The following KIF6 variants were observed in gnomAD, a reference collection of about 807,000 sequenced individuals.
KIF6 encodes kinesin-like protein KIF6.
A neutral mutation model predicts 112.7 loss-of-function variants in KIF6; 106 were observed. That is an observed-to-expected ratio of 0.94 (90% CI 0.80 to 1.11). The LOEUF (loss-of-function observed/expected upper bound fraction) is 1.11, where lower values mean the gene tolerates loss of function less well. Ranked by LOEUF, KIF6 falls within the 50% of genes least tolerant of loss-of-function variation. The probability of loss-of-function intolerance (pLI) is 0.00; values close to 1 mark genes in which losing one functional copy is unlikely to be tolerated. For missense variants in KIF6, 929 were observed against 964.0 expected (o/e 0.96, Z 0.48); for synonymous variants, 339 against 339.9 (o/e 1.00, Z 0.03).
At chr6:39,460,716 A>G (rs1773423880) in intron 13 of KIF6, among the ~76,000 whole-genome samples, 1 of 152,168 alleles carries the variant, frequency 6.6e-6, no homozygotes, top group Non-Finnish European at 1.5e-5. Flanking sequence ...AGAATTCTAT[A>G]TGCAGCTAAA....
At chr6:39,431,886 G>A (rs539282049) in intron 13 of KIF6, among the ~76,000 whole-genome samples, 8 of 152,088 alleles carry the variant, frequency 5.3e-5, no homozygotes, top group South Asian at 2.1e-4. Context: ...GAGGGTCAGC[G>A]CAGATGTATG....
chr6:39,521,436 C>G (rs895412793), intron 13 of KIF6, among the ~76,000 whole-genome samples: 1 of 151,958 alleles, frequency 6.6e-6, no homozygotes, highest in African/African-American at 2.4e-5. Flanking sequence ...TAGGAATGAC[C>G]CATATCTATG....
chr6:39,479,356 G>GTGT (rs1774649041), intron 13 of KIF6, among the ~76,000 whole-genome samples: 1 of 152,094 alleles, frequency 6.6e-6, no homozygotes, highest in African/African-American at 2.4e-5. Context: ...GTTGAATAGG[G>GTGT]TGTCCTTTCC....
At chr6:39,619,002 C>A (rs908966020) in intron 5 of KIF6, among the ~76,000 whole-genome samples, 33 of 152,182 alleles carry the variant, frequency 2.2e-4, no homozygotes, top group African/African-American at 7.9e-4. Flanking sequence ...TTATTTTATT[C>A]TTATTGGCTC....
intron 13 of KIF6, among the ~76,000 whole-genome samples, chr6:39,454,566 C>T (rs1279153984): frequency 1.3e-5 from 2 of 148,620 alleles, no homozygotes; most frequent in African/African-American, 2.5e-5. Context: ...CGAGCGTGAG[C>T]GACGCAGAAG....
At chr6:39,386,405 C>G (rs920417367) in intron 15 of KIF6, among the ~76,000 whole-genome samples, 2 of 152,036 alleles carry the variant, frequency 1.3e-5, no homozygotes, top group African/African-American at 2.4e-5. Context: ...GATGTGAAGA[C>G]AAGACTTGGA....
At chr6:39,495,154 A>G (rs944726856) in intron 13 of KIF6, among the ~76,000 whole-genome samples, 7 of 152,108 alleles carry the variant, frequency 4.6e-5, no homozygotes, top group Admixed American at 4.6e-4. Flanking sequence ...TGTAATTAAA[A>G]CCCTGTTTCC....
chr6:39,578,095 TC>T lies in KIF6; in HGVS notation c.1141del (p.Glu381SerfsTer18). ...LKDELAMVTGEQRTEALTEAE... is the reference protein window; with the variant it reads ...LKDELAMVTGXQRTEALTEAE... ...TTCTGTGAGTGCCTCTGTCCTCTGCTCCCCAGTGACCATGGCCAGTTCATCC... is the reference window on the plus strand; with the variant it reads ...TTCTGTGAGTGCCTCTGTCCTCTGCTCCCAGTGACCATGGCCAGTTCATCC... On this transcript the variant is annotated frameshift_variant, in exon 10 of 23. Coordinates refer to ENST00000287152, the MANE Select transcript of KIF6 (RefSeq NM_145027.6). LOFTEE classifies it high-confidence loss of function. 6.2e-7 allele frequency: 1 copy of T among 1,614,052 alleles called. No individual in the cohort carries two copies. Among genetic ancestry groups the T allele is most frequent in the Non-Finnish European group, 8.5e-7 (1 of 1,179,950 alleles).
intron 20 of KIF6, among the ~76,000 whole-genome samples, chr6:39,346,132 C>CTCTCTCTCTCT (rs1763766405): frequency 1.9e-4 from 5 of 26,936 alleles, no homozygotes; most frequent in African/African-American, 7.4e-4. Flanking sequence ...CCTCCCTCTC[C>CTCTCTCTCTCT]CTCTCTCTCT....
chr6:39,404,835 TG>T (rs1342962298), intron 15 of KIF6, among the ~76,000 whole-genome samples: 1 of 151,998 alleles, frequency 6.6e-6, no homozygotes, highest in African/African-American at 2.4e-5. Context: ...ATGTCTTTTT[TG>T]ATTTTTTTTA....
At chr6:39,407,633 T>A (rs1769183132) in intron 15 of KIF6, among the ~76,000 whole-genome samples, 1 of 152,256 alleles carries the variant, frequency 6.6e-6, no homozygotes, top group African/African-American at 2.4e-5. Context: ...CAATAAGGAT[T>A]AAATTAATAA....
Position 39,664,163 on chromosome 6 carries a change from A to T in KIF6, c.252-24406T>A, listed in dbSNP as rs138347292. Among the ~76,000 whole-genome samples the T allele has an allele frequency of 1.7e-3, 266 of 152,306 alleles. 2 individuals carry two copies. The highest frequency in any genetic ancestry group is 5.9e-3 in the African/African-American group (247 of 41,572). Reference sequence around the variant, plus strand: ...AAAGGAGAGAATCAAAGGATTGTCTAGGATTGTCAAGACATAAACAAGCAG... The same window carrying T: ...AAAGGAGAGAATCAAAGGATTGTCTTGGATTGTCAAGACATAAACAAGCAG... On this transcript the variant is annotated intron_variant, in intron 3 of 22. Coordinates refer to ENST00000287152, the MANE Select transcript of KIF6 (RefSeq NM_145027.6).
intron 19 of KIF6, among the ~76,000 whole-genome samples, chr6:39,347,441 A>G (rs943929038): frequency 4.6e-5 from 7 of 152,344 alleles, no homozygotes; most frequent in Admixed American, 2.6e-4. Flanking sequence ...GGCCAAGTGC[A>G]GTGGAACCCA....
chr6:39,417,770 A>G (rs1231492151), intron 15 of KIF6, among the ~76,000 whole-genome samples: 2 of 152,184 alleles, frequency 1.3e-5, no homozygotes, highest in Non-Finnish European at 1.5e-5. Context: ...AGTATAGTCA[A>G]TTGGTGCCTT....
chr6:39,373,245 T>A lies in KIF6; in HGVS notation c.1862-10727A>T, dbSNP rs373062670. On this transcript the variant is annotated intron_variant, in intron 16 of 22. Transcript: ENST00000287152. ...GCAACTGGTAACAAGATCATCTGGG[T>A]TCAGCGCTTAAAGGAATAGACAGCC... Among the ~76,000 whole-genome samples the A allele has an allele frequency of 5.3e-5, 8 of 152,304 alleles. No individual in the cohort carries two copies. The East Asian group carries it at 1.3e-3, about 26-fold the overall frequency.
At chr6:39,686,063 AAT>A (rs1439693357) in intron 3 of KIF6, among the ~76,000 whole-genome samples, 1 of 152,198 alleles carries the variant, frequency 6.6e-6, no homozygotes, top group Non-Finnish European at 1.5e-5. Context: ...TCTGTACGTA[AAT>A]ATATCTTCTT....
At chr6:39,383,224 C>T (rs1767119086) in intron 16 of KIF6, among the ~76,000 whole-genome samples, 1 of 152,130 alleles carries the variant, frequency 6.6e-6, no homozygotes, top group African/African-American at 2.4e-5. Context: ...GGGTCTTCAT[C>T]ATAGATTCAT....
At chr6:39,651,122 G>A (rs1785445152) in intron 3 of KIF6, among the ~76,000 whole-genome samples, 1 of 152,020 alleles carries the variant, frequency 6.6e-6, no homozygotes. Context: ...GAGATAGAAA[G>A]CATTTAAAGA....
intron 13 of KIF6, among the ~76,000 whole-genome samples, chr6:39,515,284 A>G (rs1212200539): frequency 6.6e-6 from 1 of 152,238 alleles, no homozygotes; most frequent in African/African-American, 2.4e-5. Context: ...ATTTAAAAAG[A>G]GAACTAGATA....
Sources: gnomAD v4.1 joint callset for allele counts (sites outside exome capture counted in the v4.1 genomes callset) on GRCh38, gnomAD v4.1.1 for gene constraint, MANE v1.5 for transcripts, NCBI Gene and HGNC (gene_info 2026-07-23, HGNC 2026-07-21) for gene names.